Variants in DISP3 observed in about 807,000 individuals in gnomAD.
DISP3 encodes dispatched RND transporter family member 3, also known as protein dispatched homolog 3.
DISP3 carries 101 observed loss-of-function variants against 135.3 expected under a neutral mutation model. That is an observed-to-expected ratio of 0.75 (90% confidence interval 0.64 to 0.88). The LOEUF is 0.88. DISP3 is among the 40% of genes least tolerant of loss of function. The pLI is 0.00. For missense variants in DISP3, 1,713 were observed against 1,878.6 expected, an observed-to-expected ratio of 0.91 and a Z score of 1.63; for synonymous variants, 856 against 817.0, an observed-to-expected ratio of 1.05 and a Z score of -0.81.
At position 11,520,682 on chromosome 1, in the gene DISP3, C is replaced by A. The variant is rs374868007; in HGVS notation, c.2201-5C>A. 6.2e-7 allele frequency: 1 copy of A among 1,612,872 alleles called. No homozygotes were observed. Among genetic ancestry groups the A allele is most frequent in the Non-Finnish European group, 8.5e-7 (1 of 1,179,622 alleles). ...CCCGCCTGGTGTAGCGCCCTTTCCT[C>A]ACAGGGCTGTTCGTCTCCATCCTCA... is the stretch of plus-strand genomic sequence containing the variant. On this transcript the variant is annotated splice_polypyrimidine_tract_variant and splice_region_variant and intron_variant, in intron 9 of 20. Coordinates refer to ENST00000294484, the MANE Select transcript of DISP3 (RefSeq NM_020780.2). This position sits in a 1 kb window ranked among gnomAD's most constrained non-coding sequence, Gnocchi z 4.8.
chr1:11,531,035 T>C lies in DISP3; in HGVS notation c.3229+2T>C, dbSNP rs1395366093. 1 of 1,613,014 alleles carries C rather than the reference T, an allele frequency of 6.2e-7. No homozygotes were observed. Among genetic ancestry groups the C allele is most frequent in the Admixed American group, 1.7e-5 (1 of 59,974 alleles). ...GTGGGGCCCAGTGCCTGCCTTCAGG[T>C]GCGTGGGGTGTGGGGAGCTGGTTCC... is the stretch of plus-strand genomic sequence containing the variant. On this transcript the variant is annotated splice_donor_variant, in intron 16 of 20. Transcript: ENST00000294484. LOFTEE classifies it high-confidence loss of function. The surrounding 1 kb of genome is among the most constrained non-coding windows in gnomAD (Gnocchi z 5.2).
intron 1 of DISP3, among the ~76,000 whole-genome samples, chr1:11,479,617 C>T (rs1640836305): frequency 6.6e-6 from 1 of 152,204 alleles, no homozygotes; most frequent in African/African-American, 2.4e-5. Flanking sequence ...ACCATCTCCC[C>T]GCGGGACTGC....
Position 11,520,549 on chromosome 1 carries a change from C to T in DISP3, c.2201-138C>T. 1 of 900,488 alleles carries T rather than the reference C, an allele frequency of 1.1e-6. No homozygotes were observed. The highest frequency in any genetic ancestry group is 1.7e-6 in the Non-Finnish European group (1 of 605,436). 55.8% of individuals were successfully genotyped at this position (900,488 alleles called of 1,614,324 possible). On this transcript the variant is annotated intron_variant, in intron 9 of 20. Transcript: ENST00000294484. This position sits in a 1 kb window ranked among gnomAD's most constrained non-coding sequence, Gnocchi z 4.8. ...CCAGCAAGCTTTGCCCACGGGCTGG[C>T]ATGCAGGGCCTTCCCCCGCACCCTT...
At position 11,536,353 on chromosome 1, in the gene DISP3, G is replaced by C; in HGVS notation, c.3846G>C (p.Thr1282=). 6.2e-7 allele frequency: 1 copy of C among 1,604,916 alleles called. No individual in the cohort carries two copies. The highest frequency in any genetic ancestry group is 8.5e-7 in the Non-Finnish European group (1 of 1,179,834). ...CCCGAACGCAGCGCCAGTGGCGTAC[G>C]CTGGAGGCCGTGCGGCACGTGGGCG... ...EDARTQRQWR[T]LEAVRHVGVA... Residue 1282 remains threonine (T), a synonymous_variant, in exon 21 of 21, where the codon ACG becomes ACC. Coordinates refer to ENST00000294484, the MANE Select transcript of DISP3 (RefSeq NM_020780.2). This position sits in a 1 kb window ranked among gnomAD's most constrained non-coding sequence, Gnocchi z 4.3.
intron 1 of DISP3, among the ~76,000 whole-genome samples, chr1:11,492,807 C>G (rs534295317): frequency 4.1e-4 from 63 of 152,248 alleles, no homozygotes; most frequent in African/African-American, 1.5e-3. Context: ...GGGGAAAGAG[C>G]TCAGACAAGT....
At chr1:11,503,672 C>T (rs1036062722) in intron 3 of DISP3, among the ~76,000 whole-genome samples, 36 of 152,160 alleles carry the variant, frequency 2.4e-4, no homozygotes, top group African/African-American at 8.7e-4. Flanking sequence ...TGCCAGTCTC[C>T]TCTGGGAAAA....
In DISP3 at chr1:11,536,680, C is replaced by T; in HGVS notation, c.4173C>T (p.Ser1391=). 1 of 1,565,416 alleles carries T rather than the reference C, an allele frequency of 6.4e-7. No homozygotes were observed. Among genetic ancestry groups the T allele is most frequent in the Non-Finnish European group, 8.6e-7 (1 of 1,156,576 alleles). ...AGATTCCCCTGCCCGCAGGGGCCTC[C>T]CTATAGCCCGGGACGGGCTCTGGAC... is the stretch of plus-strand genomic sequence containing the variant. ...GYKIPLPAGA[S]L Residue 1391 remains serine, a synonymous_variant, in exon 21 of 21, where the codon TCC becomes TCT. Transcript: ENST00000294484. This position sits in a 1 kb window ranked among gnomAD's most constrained non-coding sequence, Gnocchi z 4.3.
chr1:11,536,500 C>CTACACGCTG lies in DISP3; in HGVS notation c.3994_4002dup (p.Tyr1332_Leu1334dup). ...CACTCAACACGGGCGTGTCCATCCT[C>CTACACGCTG]TACACGCTGACCGTCAGCACCGCCC... On this transcript the variant is annotated inframe_insertion, in exon 21 of 21. Transcript: ENST00000294484. This position sits in a 1 kb window ranked among gnomAD's most constrained non-coding sequence, Gnocchi z 4.3. The CTACACGCTG allele has an allele frequency of 6.2e-7, 1 of 1,613,566 alleles. No individual in the cohort carries two copies. The highest frequency in any genetic ancestry group is 1.1e-5 in the South Asian group (1 of 91,088).
At position 11,491,718 on chromosome 1, in the gene DISP3, G is replaced by A. The variant is rs995098832; in HGVS notation, c.-3-9272G>A. Reference sequence around the variant, plus strand: ...TTTAACGAGTATGCCTAGTGACTCCGATTCACGTAAAAGTCCAAGGATCTT... The same window carrying A: ...TTTAACGAGTATGCCTAGTGACTCCAATTCACGTAAAAGTCCAAGGATCTT... On this transcript the variant is annotated intron_variant, in intron 1 of 20. Coordinates refer to ENST00000294484, the MANE Select transcript of DISP3 (RefSeq NM_020780.2). This position sits in a 1 kb window ranked among gnomAD's most constrained non-coding sequence, Gnocchi z 4.3. Among the ~76,000 whole-genome samples, 19 of 152,214 alleles carry A rather than the reference G, an allele frequency of 1.2e-4. No individual in the cohort carries two copies. The highest frequency in any genetic ancestry group is 4.1e-4 in the African/African-American group (17 of 41,466).
In DISP3 at chr1:11,498,593, TGTCAAA is replaced by T. The variant is rs1641409199; in HGVS notation, c.-3-2392_-3-2387del. 2.0e-5 allele frequency among the ~76,000 whole-genome samples: 3 copies of T among 151,790 alleles called. No homozygotes were observed. In the South Asian group the frequency reaches 6.2e-4, roughly 32 times the overall value. ...AGCCTTGCCTGCTTGATGGGAGGAGTGTCAAAGTCACATCATGAGATAAGCATGTGA... is the reference window on the plus strand; with the variant it reads ...AGCCTTGCCTGCTTGATGGGAGGAGTGTCACATCATGAGATAAGCATGTGA... On this transcript the variant is annotated intron_variant, in intron 1 of 20. Coordinates refer to ENST00000294484, the MANE Select transcript of DISP3 (RefSeq NM_020780.2).
At position 11,529,831 on chromosome 1, in the gene DISP3, G is replaced by T; in HGVS notation, c.2974G>T (p.Val992Leu). 1.2e-6 allele frequency: 2 copies of T among 1,613,982 alleles called. No homozygotes were observed. Among genetic ancestry groups the T allele is most frequent in the South Asian group, 2.2e-5 (2 of 91,072 alleles). The change falls in exon 15 of 21, where the codon GTG becomes TTG. Residue 992 changes from valine to leucine, a missense_variant. Coordinates refer to ENST00000294484, the MANE Select transcript of DISP3 (RefSeq NM_020780.2). This position sits in a 1 kb window ranked among gnomAD's most constrained non-coding sequence, Gnocchi z 4.7. ...AGCCACCTTCGGCTTCAACCCCTGC[G>T]TGAACACGGGCTGCGGGAAGCCGGC... ...LSATFGFNPC[V>L]NTGCGKPAVR...
intron 1 of DISP3, among the ~76,000 whole-genome samples, chr1:11,482,128 C>T (rs764246759): frequency 1.3e-5 from 2 of 152,202 alleles, no homozygotes; most frequent in African/African-American, 2.4e-5. Context: ...ATACTTCCCT[C>T]GTCTCCCCAT....
In DISP3 at chr1:11,530,952, G is replaced by A. The variant is rs1469692590; in HGVS notation, c.3148G>A (p.Gly1050Arg). 6.2e-7 allele frequency: 1 copy of A among 1,614,014 alleles called. No individual in the cohort carries two copies. Among genetic ancestry groups the A allele is most frequent in the Admixed American group, 1.7e-5 (1 of 60,014 alleles). The change falls in exon 16 of 21, where the codon GGG (glycine) becomes AGG (arginine). Residue 1050 changes from glycine to arginine, a missense_variant. Gly to Arg is a moderately radical substitution (Grantham distance 125). Transcript: ENST00000294484. ...CAGCTTTGACCTCTTCAAGGAAATT[G>A]GGCACCTGTGTCACCTCTGCAAGGC... ...DSSFDLFKEIGHLCHLCKAIA... is the reference protein window; with the variant it reads ...DSSFDLFKEIRHLCHLCKAIA...
In DISP3 at chr1:11,536,602, G is replaced by A; in HGVS notation, c.4095G>A (p.Leu1365=). ...SFLKALGAVL[L]AGALGLGACL... ...TCAAGGCCCTGGGTGCCGTGCTGCT[G>A]GCAGGGGCCCTGGGGCTGGGTGCCT... The change falls in exon 21 of 21, where the codon CTG becomes CTA. Residue 1365 remains leucine, a synonymous_variant. Coordinates refer to ENST00000294484, the MANE Select transcript of DISP3 (RefSeq NM_020780.2). The surrounding 1 kb of genome is among the most constrained non-coding windows in gnomAD (Gnocchi z 4.3). The A allele has an allele frequency of 1.2e-6, 2 of 1,611,136 alleles. No homozygotes were observed. Among genetic ancestry groups the A allele is most frequent in the Non-Finnish European group, 1.7e-6 (2 of 1,179,590 alleles).
Position 11,519,441 on chromosome 1 carries a change from C to A in DISP3, c.1976C>A (p.Ala659Asp). 1 of 1,613,784 alleles carries A rather than the reference C, an allele frequency of 6.2e-7. No homozygotes were observed. The highest frequency in any genetic ancestry group is 8.5e-7 in the Non-Finnish European group (1 of 1,180,000). ...CCCGAGCAGGTTGGAGGCAGCCCTG[C>A]CCAGGGCCCCATACCCTACCTGGAT... ...AAPEQVGGSP[A>D]QGPIPYLDDD... The change falls in exon 8 of 21, where the codon GCC becomes GAC. Residue 659 changes from alanine to aspartate, a missense_variant. This residue lies in a region of DISP3 where 1,142 missense variants were observed against 1,384.6 expected (regional missense o/e 0.82). Coordinates refer to ENST00000294484, the MANE Select transcript of DISP3 (RefSeq NM_020780.2). The surrounding 1 kb of genome is among the most constrained non-coding windows in gnomAD (Gnocchi z 4.3).
Position 11,531,101 on chromosome 1 carries a change from T to C in DISP3, c.3229+68T>C. The stretch of plus-strand genomic sequence containing the variant: ...ACTGACTGGGGAGGCACAGAGGCCG[T>C]GGTCCAAGGTAGACAGCCCGAAGGA... On this transcript the variant is annotated intron_variant, in intron 16 of 20. Coordinates refer to ENST00000294484, the MANE Select transcript of DISP3 (RefSeq NM_020780.2). This position sits in a 1 kb window ranked among gnomAD's most constrained non-coding sequence, Gnocchi z 5.2. The C allele has an allele frequency of 6.3e-7, 1 of 1,596,272 alleles. No homozygotes were observed. The highest frequency in any genetic ancestry group is 8.5e-7 in the Non-Finnish European group (1 of 1,174,610).
chr1:11,535,122 T>C lies in DISP3; in HGVS notation c.3647T>C (p.Leu1216Ser), dbSNP rs1393877742. Residue 1216 changes from leucine to serine, a missense_variant and splice_region_variant, in exon 19 of 21, where the codon TTG becomes TCG. Around this residue, in one of 2 missense-constraint regions of DISP3, gnomAD observed 1,142 missense variants for 1,384.6 expected, o/e 0.82. Transcript: ENST00000294484. ...LLLLPVLLSI[L>S]GIVCLVVTIM... Reference sequence around the variant, plus strand: ...CTGCTGCCCGTGCTCCTCAGCATCTTGGGTACGTGGGCGAGGGGCTGGCAG... The same window carrying C: ...CTGCTGCCCGTGCTCCTCAGCATCTCGGGTACGTGGGCGAGGGGCTGGCAG... The C allele has an allele frequency of 6.2e-7, 1 of 1,601,108 alleles. No individual in the cohort carries two copies. The highest frequency in any genetic ancestry group is 2.2e-5 in the East Asian group (1 of 44,464).
In DISP3 at chr1:11,520,967, C is replaced by T. The variant is rs1642170737; in HGVS notation, c.2362+119C>T. Reference sequence around the variant, plus strand: ...AATGCCAGACCTCAGGCAAATCCCACTCCCCTCTGAGCCCCCATGTTCCCA... The same window carrying T: ...AATGCCAGACCTCAGGCAAATCCCATTCCCCTCTGAGCCCCCATGTTCCCA... On this transcript the variant is annotated intron_variant, in intron 10 of 20. Transcript: ENST00000294484. This position sits in a 1 kb window ranked among gnomAD's most constrained non-coding sequence, Gnocchi z 4.8. 5 of 1,216,300 alleles carry T rather than the reference C, an allele frequency of 4.1e-6. No individual in the cohort carries two copies. Among genetic ancestry groups the T allele is most frequent in the East Asian group, 2.6e-5 (1 of 38,632 alleles). 75.3% of individuals were successfully genotyped at this position (1,216,300 alleles called of 1,614,324 possible).
Position 11,531,049 on chromosome 1 carries a change from G to A in DISP3, c.3229+16G>A, listed in dbSNP as rs1388940205. ...CTGCCTTCAGGTGCGTGGGGTGTGG[G>A]GAGCTGGTTCCTCCGAGGGAGGATG... On this transcript the variant is annotated intron_variant, in intron 16 of 20. Coordinates refer to ENST00000294484, the MANE Select transcript of DISP3 (RefSeq NM_020780.2). The surrounding 1 kb of genome is among the most constrained non-coding windows in gnomAD (Gnocchi z 5.2). The A allele has an allele frequency of 5.0e-6, 8 of 1,612,694 alleles. No individual in the cohort carries two copies. The highest frequency in any genetic ancestry group is 1.7e-5 in the Admixed American group (1 of 60,018).
Sources: allele counts gnomAD v4.1 joint callset (sites outside exome capture counted in the v4.1 genomes callset), GRCh38; gene constraint gnomAD v4.1.1; regional missense constraint gnomAD v4.1.1; non-coding constraint Gnocchi (gnomAD v3.1); transcripts MANE v1.5; gene names NCBI Gene and HGNC (gene_info 2026-07-23, HGNC 2026-07-21).